TMEM44: variants seen among roughly 807,000 people sequenced by gnomAD.
TMEM44 encodes the protein transmembrane protein 44.
In TMEM44, 43 loss-of-function variants were observed where a neutral mutation model predicts 47.8. The observed-to-expected ratio is 0.90, with a 90% CI of 0.70 to 1.16. The LOEUF (loss-of-function observed/expected upper bound fraction) is 1.16, where lower values mean the gene tolerates loss of function less well. TMEM44 is among the 50% of genes most tolerant of loss of function. The probability of loss-of-function intolerance (pLI) is 0.00; values close to 1 mark genes in which losing one functional copy is unlikely to be tolerated. For synonymous variants in TMEM44, 277 were observed against 238.8 expected (o/e 1.16, Z -1.48); for missense variants, 568 against 555.2 (o/e 1.02, Z -0.23).
At chr3:194,597,901 C>A (rs1455080492) in intron 9 of TMEM44, among the ~76,000 whole-genome samples, 1 of 152,202 alleles carries the variant, frequency 6.6e-6, no homozygotes, top group African/African-American at 2.4e-5. Context: ...AAGTCCTGCT[C>A]TCTCTGGGCC....
In TMEM44 at chr3:194,611,094, A is replaced by G. The variant is rs1343789050; in HGVS notation, c.913-74T>C. 13 of 1,273,092 alleles carry G rather than the reference A, an allele frequency of 1.0e-5. No individual in the cohort carries two copies. Among genetic ancestry groups the G allele is most frequent in the Non-Finnish European group, 1.5e-5 (13 of 883,166 alleles). The allele number at this position is 1,273,092 out of a possible 1,614,324, so 78.9% of individuals were successfully genotyped here. A position where few individuals can be genotyped will look rare whatever the true frequency, so the allele number is the denominator to read the frequency against. Reference sequence around the variant, plus strand: ...AGGCATTTTCTAAAAACAAGGTCACATTTTATTCAAAAGGACCCCCGTGGT... The same window carrying G: ...AGGCATTTTCTAAAAACAAGGTCACGTTTTATTCAAAAGGACCCCCGTGGT... On this transcript the variant is annotated intron_variant, in intron 7 of 9. Transcript: ENST00000347147. The surrounding 1 kb of genome is among the most constrained non-coding windows in gnomAD (Gnocchi z 4.2).
intron 9 of TMEM44, among the ~76,000 whole-genome samples, chr3:194,596,699 G>A (rs188586317): frequency 6.6e-5 from 10 of 152,288 alleles, no homozygotes; most frequent in African/African-American, 2.4e-4. Context: ...GCTGAGGCAG[G>A]AAAATCACTT....
chr3:194,592,980 GGAACTGAA>G, intron 9 of TMEM44: 1 of 1,590,356 alleles, frequency 6.3e-7, no homozygotes, highest in Non-Finnish European at 8.6e-7. Context: ...AACAAAAACA[GGAACTGAA>G]ATCAAGCCAT....
At chr3:194,608,731 T>TG (rs1479178713) in intron 8 of TMEM44, among the ~76,000 whole-genome samples, 1 of 152,120 alleles carries the variant, frequency 6.6e-6, no homozygotes, top group African/African-American at 2.4e-5. Context: ...AGACGAGAGA[T>TG]GGGGTCTCGC....
At chr3:194,609,514 T>C (rs1490398869) in intron 8 of TMEM44, among the ~76,000 whole-genome samples, 1 of 151,984 alleles carries the variant, frequency 6.6e-6, no homozygotes, top group Admixed American at 6.6e-5. Context: ...AATGGAATGA[T>C]GGTGGACTTA....
intron 1 of TMEM44, 119 bp downstream of exon 1, chr3:194,632,960 T>A (rs954308804): frequency 2.2e-5 from 30 of 1,370,062 alleles, no homozygotes; most frequent in African/African-American, 3.0e-5. Flanking sequence ...TGGATCCTAT[T>A]ACTGAGCCAT....
At chr3:194,628,884 C>T (rs1256880611) in intron 1 of TMEM44, among the ~76,000 whole-genome samples, 2 of 152,174 alleles carry the variant, frequency 1.3e-5, no homozygotes, top group East Asian at 3.8e-4. Flanking sequence ...GTAACTCAGG[C>T]TGGGTATGGT....
chr3:194,617,315 C>T (rs749749778), intron 5 of TMEM44, 46 bp from the exon 6 acceptor site: 3 of 1,478,448 alleles, frequency 2.0e-6, no homozygotes, highest in Non-Finnish European at 2.7e-6. Context: ...CAGCAGATCA[C>T]AAGACCCAGG....
At chr3:194,605,649 C>T (rs1714697686) in intron 8 of TMEM44, among the ~76,000 whole-genome samples, 1 of 152,208 alleles carries the variant, frequency 6.6e-6, no homozygotes, top group African/African-American at 2.4e-5. Context: ...ATTCAATTAC[C>T]TCCCACTGGG....
At chr3:194,629,799 C>T (rs1447421688) in intron 1 of TMEM44, among the ~76,000 whole-genome samples, 2 of 30,656 alleles carry the variant, frequency 6.5e-5, no homozygotes, top group Non-Finnish European at 1.2e-4. Context: ...ACCTGCCTCC[C>T]GGAGGGGCTG....
intron 3 of TMEM44, among the ~76,000 whole-genome samples, chr3:194,624,763 C>T (rs1716957478): frequency 6.6e-6 from 1 of 150,956 alleles, no homozygotes; most frequent in Admixed American, 6.6e-5. Context: ...GCTCTTGTTG[C>T]CCACGTTGGA....
intron 1 of TMEM44, among the ~76,000 whole-genome samples, chr3:194,631,440 G>A (rs1317587775): frequency 6.6e-6 from 1 of 152,140 alleles, no homozygotes; most frequent in African/African-American, 2.4e-5. Flanking sequence ...AGTACAGAGG[G>A]CTCTTGGCTT....
chr3:194,614,306 C>T (rs149685794), intron 7 of TMEM44, among the ~76,000 whole-genome samples: 3,167 of 152,254 alleles, frequency 0.021, 54 homozygotes, highest in Middle Eastern at 0.034. Context: ...TGACGACAGG[C>T]TCTGGAGCAC....
intron 9 of TMEM44, among the ~76,000 whole-genome samples, chr3:194,600,613 T>C (rs1713979539): frequency 6.6e-6 from 1 of 151,780 alleles, no homozygotes; most frequent in South Asian, 2.1e-4. Flanking sequence ...TAGCCAGGCA[T>C]GGTGGTGCAT....
At chr3:194,605,686 A>G (rs1714700860) in intron 8 of TMEM44, among the ~76,000 whole-genome samples, 2 of 152,220 alleles carry the variant, frequency 1.3e-5, no homozygotes, top group African/African-American at 4.8e-5. Flanking sequence ...TGGGAATTCA[A>G]GATGAGATTT....
rs138638334 is a variant in TMEM44, at chr3:194,617,193, G to A, written c.689C>T (p.Ser230Leu). 1,339 of 1,553,482 alleles carry A rather than the reference G, an allele frequency of 8.6e-4. 12 individuals are homozygous for A. The African/African-American group carries it at 0.016, about 19-fold the overall frequency. Residue 230 changes from serine (S) to leucine (L), a missense_variant, in exon 6 of 10, where the codon TCG (serine) becomes TTG (leucine). By Grantham distance (145) the Ser-to-Leu change is moderately radical. Coordinates refer to ENST00000347147, the MANE Select transcript of TMEM44 (RefSeq NM_001011655.3). ...GTGCTGGTCGTGGGCCACAATGGCC[G>A]AGGCATAGAGGAGGCCAGCCAGGGC... ...LSALAGLLYA[S>L]AIVAHDQHPE...
rs571092554 is a variant in TMEM44 at position 194,600,144 on chromosome 3, T to C, written c.1176+4143A>G. Among the ~76,000 whole-genome samples the C allele has an allele frequency of 3.3e-5, 5 of 152,226 alleles. No individual in the cohort carries two copies. The South Asian group carries it at 8.3e-4, about 25-fold the overall frequency. On this transcript the variant is annotated intron_variant, in intron 9 of 9. Transcript: ENST00000347147. ...TCTCACTCTGATGCCCAGGCTGGAG[T>C]GCAGTGGCACAATCTCAGCTCACTG...
intron 8 of TMEM44, among the ~76,000 whole-genome samples, chr3:194,608,729 G>C (rs1207008391): frequency 6.6e-6 from 1 of 152,190 alleles, no homozygotes; most frequent in Non-Finnish European, 1.5e-5. Flanking sequence ...GGAGACGAGA[G>C]ATGGGGTCTC....
chr3:194,602,430 C>T (rs1449788111), intron 9 of TMEM44, among the ~76,000 whole-genome samples: 2 of 152,098 alleles, frequency 1.3e-5, no homozygotes. Flanking sequence ...GGTGAAACCT[C>T]ATCTTTACTA....
Sources: gnomAD v4.1 joint callset for allele counts (sites outside exome capture counted in the v4.1 genomes callset) on GRCh38, gnomAD v4.1.1 for gene constraint, Gnocchi (gnomAD v3.1) non-coding constraint, MANE v1.5 for transcripts, NCBI Gene and HGNC (gene_info 2026-07-23, HGNC 2026-07-21) for gene names.